Variants in RPS6KA2 observed in about 807,000 individuals in gnomAD.
RPS6KA2 encodes ribosomal protein S6 kinase A2.
A neutral mutation model predicts 91.8 loss-of-function variants in RPS6KA2; 42 were observed. The ratio of observed to expected loss-of-function variants is 0.46; its 90% CI spans 0.36 to 0.59. The LOEUF (loss-of-function observed/expected upper bound fraction) is 0.59, where lower values mean the gene tolerates loss of function less well. Among genes scored for constraint, RPS6KA2 ranks in the 20% least tolerant of loss-of-function variants. The pLI is 0.00. For synonymous variants in RPS6KA2, 414 were observed against 393.6 expected (o/e 1.05, Z -0.61); for missense variants, 798 against 978.5 (o/e 0.82, Z 2.46).
At chr6:166,640,446 G>A (rs1166408598) in intron 2 of RPS6KA2, among the ~76,000 whole-genome samples, 2 of 152,196 alleles carry the variant, frequency 1.3e-5, no homozygotes, top group Non-Finnish European at 2.9e-5. Flanking sequence ...GCAGCCCCGG[G>A]AGAGGCGCGC....
At chr6:166,774,713 C>G (rs1341721138) in intron 2 of RPS6KA2, among the ~76,000 whole-genome samples, 1 of 152,162 alleles carries the variant, frequency 6.6e-6, no homozygotes, top group East Asian at 1.9e-4. Context: ...TGAGCTGGCC[C>G]ATATTGGGCT....
At chr6:166,413,766 C>T (rs747501616) in intron 20 of RPS6KA2, 28 bp downstream of exon 20, 3 of 1,612,656 alleles carry the variant, frequency 1.9e-6, no homozygotes, top group South Asian at 1.1e-5. Flanking sequence ...ATTCCCACCA[C>T]TCTGTCCTCA....
chr6:166,750,435 C>T (rs1791242059), intron 2 of RPS6KA2, among the ~76,000 whole-genome samples: 1 of 152,220 alleles, frequency 6.6e-6, no homozygotes, highest in Non-Finnish European at 1.5e-5. Flanking sequence ...CTTGACCCTC[C>T]TCCTCCTCAG....
intron 1 of RPS6KA2, among the ~76,000 whole-genome samples, chr6:166,613,376 A>G (rs1786261164): frequency 6.6e-6 from 1 of 152,218 alleles, no homozygotes; most frequent in African/African-American, 2.4e-5. Context: ...GTTTTTTCAA[A>G]ACAATTTTGT....
intron 2 of RPS6KA2, among the ~76,000 whole-genome samples, chr6:166,696,235 C>T (rs751353960): frequency 5.3e-5 from 8 of 152,012 alleles, no homozygotes; most frequent in African/African-American, 1.2e-4. Flanking sequence ...AGCAGCCCCA[C>T]GTGAGATCTG....
intron 2 of RPS6KA2, among the ~76,000 whole-genome samples, chr6:166,674,523 C>T (rs558715076): frequency 6.6e-6 from 1 of 152,046 alleles, no homozygotes; most frequent in Non-Finnish European, 1.5e-5. Flanking sequence ...TAGAGGGAGA[C>T]CGGGTGAGGA....
At chr6:166,546,154 C>T (rs1783819324) in intron 1 of RPS6KA2, among the ~76,000 whole-genome samples, 1 of 152,090 alleles carries the variant, frequency 6.6e-6, no homozygotes, top group Admixed American at 6.5e-5. Flanking sequence ...TTACTAGCAT[C>T]GGGGAATGAG....
At chr6:166,782,532 A>G (rs562397467) in intron 2 of RPS6KA2, among the ~76,000 whole-genome samples, 7 of 152,140 alleles carry the variant, frequency 4.6e-5, no homozygotes, top group Non-Finnish European at 1.0e-4. Context: ...GCCAGCACTG[A>G]AGCAGCAGCA....
rs1309461805 is a variant in RPS6KA2, at chr6:166,849,161, T to C, written c.123+9039A>G. Among the ~76,000 whole-genome samples, 1 of 152,130 alleles carries C rather than the reference T, an allele frequency of 6.6e-6. No homozygotes were observed. Among genetic ancestry groups the C allele is most frequent in the East Asian group, 1.9e-4 (1 of 5,170 alleles). On this transcript the variant is annotated intron_variant, in intron 2 of 21. Transcript: ENST00000503859. The surrounding 1 kb of genome is among the most constrained non-coding windows in gnomAD (Gnocchi z 4.9). ...CTTGGTCCGGCCATGCCAGGGTCTG[T>C]CTGTCTGTCTGTCTGGGACAATCCA...
At chr6:166,488,704 T>G in intron 10 of RPS6KA2, 129 bp downstream of exon 10, 2 of 656,498 alleles carry the variant, frequency 3.0e-6, no homozygotes, top group Non-Finnish European at 5.4e-6. Context: ...AACCTCTAGG[T>G]GAGGTCTGTT....
intron 5 of RPS6KA2, among the ~76,000 whole-genome samples, chr6:166,506,141 C>T (rs1282359726): frequency 2.0e-5 from 3 of 152,108 alleles, no homozygotes; most frequent in Admixed American, 2.0e-4. Flanking sequence ...GCCGGCACAG[C>T]GACGGTCCCC....
intron 2 of RPS6KA2, among the ~76,000 whole-genome samples, chr6:166,632,941 G>A (rs761947998): frequency 3.9e-5 from 6 of 152,092 alleles, no homozygotes; most frequent in African/African-American, 9.7e-5. Flanking sequence ...GGGGCCGGGC[G>A]CAGGGGCTCA....
chr6:166,659,228 G>A (rs1246856260), intron 2 of RPS6KA2, among the ~76,000 whole-genome samples: 3 of 152,162 alleles, frequency 2.0e-5, no homozygotes, highest in Non-Finnish European at 4.4e-5. Context: ...CCCAATTTCA[G>A]CCCTATTAAT....
At chr6:166,757,583 A>T (rs763953260) in intron 2 of RPS6KA2, 2 of 454,898 alleles carry the variant, frequency 4.4e-6, no homozygotes, top group South Asian at 3.1e-5. Flanking sequence ...ATCATGATGC[A>T]CTCCCCAGGT....
chr6:166,843,222 A>C (rs1780528851), intron 2 of RPS6KA2, among the ~76,000 whole-genome samples: 4 of 152,004 alleles, frequency 2.6e-5, no homozygotes, highest in Admixed American at 2.6e-4. Flanking sequence ...GCCACACCAA[A>C]CCCTGCTCAA....
At chr6:166,581,800 GTGGGCTGGGCAGGAGGGCACAGGA>G (rs1785019064) in intron 1 of RPS6KA2, among the ~76,000 whole-genome samples, 1 of 146,192 alleles carries the variant, frequency 6.8e-6, no homozygotes, top group South Asian at 2.2e-4. Flanking sequence ...CACTGGGCAG[GTGGGCTGGGCAGGAGGGCACAGGA>G]AGAGGGTGAG....
At chr6:166,837,710 C>T (rs1346238178) in intron 2 of RPS6KA2, among the ~76,000 whole-genome samples, 1 of 152,198 alleles carries the variant, frequency 6.6e-6, no homozygotes, top group Non-Finnish European at 1.5e-5. Context: ...CCCGGGCTCC[C>T]CACCCTTCAG....
intron 2 of RPS6KA2, among the ~76,000 whole-genome samples, chr6:166,850,492 A>T (rs1434666816): frequency 6.6e-6 from 1 of 152,246 alleles, no homozygotes; most frequent in Non-Finnish European, 1.5e-5. Flanking sequence ...TTTTAAAAGC[A>T]GCTCCATCTA....
intron 2 of RPS6KA2, among the ~76,000 whole-genome samples, chr6:166,691,550 C>T (rs748335452): frequency 2.0e-5 from 3 of 152,142 alleles, no homozygotes; most frequent in Non-Finnish European, 2.9e-5. Context: ...GCCCGGGCCT[C>T]CCCTGCTGCC....
Sources: gnomAD v4.1 joint callset for allele counts (sites outside exome capture counted in the v4.1 genomes callset) on GRCh38, gnomAD v4.1.1 for gene constraint, Gnocchi (gnomAD v3.1) non-coding constraint, MANE v1.5 for transcripts, NCBI Gene and HGNC (gene_info 2026-07-23, HGNC 2026-07-21) for gene names.